LRRK2: variants seen among roughly 807,000 people sequenced by gnomAD.
LRRK2 encodes leucine-rich repeat serine/threonine-protein kinase 2.
LRRK2 carries 203 observed loss-of-function variants against 302.6 expected under a neutral mutation model. The ratio of observed to expected loss-of-function variants is 0.67; its 90% confidence interval spans 0.60 to 0.75. The LOEUF (loss-of-function observed/expected upper bound fraction) is 0.75. Among genes scored for constraint, LRRK2 ranks in the 30% least tolerant of loss-of-function variants. The pLI is 0.00. For synonymous variants in LRRK2, 1,066 were observed against 1,031.9 expected (o/e 1.03, Z -0.63); for missense variants, 2,830 against 2,951.0 (o/e 0.96, Z 0.95).
chr12:40,332,968 A>AG lies in LRRK2; in HGVS notation c.5758-1999_5758-1998insG, dbSNP rs932554863. ...TAATGTGCTTCTTCTCTTAAAAAAA[A>AG]AAAAAGAAAAAGACAACAACAAAAA... On this transcript the variant is annotated intron_variant, in intron 39 of 50. Coordinates refer to ENST00000298910, the MANE Select transcript of LRRK2 (RefSeq NM_198578.4). 7.3e-4 allele frequency among the ~76,000 whole-genome samples: 111 copies of AG among 151,398 alleles called. 1 individual carries two copies. The highest frequency in any genetic ancestry group is 1.6e-4 in the Non-Finnish European group (11 of 67,860).
At chr12:40,279,056 A>AT (rs1943577300) in intron 18 of LRRK2, among the ~76,000 whole-genome samples, 1 of 151,272 alleles carries the variant, frequency 6.6e-6, no homozygotes, top group Admixed American at 6.6e-5. Context: ...CATTGCTTAT[A>AT]TTTCAGATTT....
chr12:40,284,871 C>G (rs1294478420), intron 19 of LRRK2, among the ~76,000 whole-genome samples: 3 of 152,118 alleles, frequency 2.0e-5, no homozygotes, highest in African/African-American at 7.2e-5. Context: ...TTGCTTCTCT[C>G]ATTTTTATGA....
chr12:40,367,648 AC>A lies in LRRK2; in HGVS notation c.7468del (p.Gln2490AsnfsTer4), dbSNP rs281865058. Reference protein sequence around the residue: ...TEGTQKQKEIQSCLTVWDINL... With the variant: ...TEGTQKQKEIXSCLTVWDINL... ...TTCATTTTTTTCTTTTTCTAGAGAT[AC>A]AATCTTGCTTGACCGTTTGGGACAT... On this transcript the variant is annotated frameshift_variant, in exon 51 of 51. Transcript: ENST00000298910. LOFTEE classifies it high-confidence loss of function. 1 of 1,602,556 alleles carries A rather than the reference AC, an allele frequency of 6.2e-7. No homozygotes were observed. Among genetic ancestry groups the A allele is most frequent in the African/African-American group, 1.3e-5 (1 of 74,662 alleles).
At chr12:40,293,757 AG>A (rs1462627840) in intron 21 of LRRK2, 94 bp downstream of exon 21, 3 of 837,474 alleles carry the variant, frequency 3.6e-6, no homozygotes, top group Non-Finnish European at 6.2e-6. Context: ...AACAATTGGT[AG>A]GGATTTCCCT....
In LRRK2 at chr12:40,368,690, CT is replaced by C. The variant is rs367772598; in HGVS notation, c.*936del. ...GATCCTACATCATTCAGATAGAAAC[CT>C]TTTTTTTTTTCAGAATTATAGAATT... On this transcript the variant is annotated 3_prime_UTR_variant, in exon 51 of 51. Coordinates refer to ENST00000298910, the MANE Select transcript of LRRK2 (RefSeq NM_198578.4). 0.13 allele frequency: 18,654 copies of C among 146,758 alleles called. 1,300 individuals are homozygous for C. Among genetic ancestry groups the C allele is most frequent in the South Asian group, 0.2 (911 of 4,630 alleles). The allele number at this position is 146,758 out of a possible 1,614,324, so 9.1% of individuals were successfully genotyped here.
chr12:40,321,704 T>C (rs541330333), intron 35 of LRRK2, among the ~76,000 whole-genome samples: 3 of 152,126 alleles, frequency 2.0e-5, no homozygotes, highest in Non-Finnish European at 4.4e-5. Flanking sequence ...ATTAAAAAGT[T>C]CAGAAAGTTT....
intron 14 of LRRK2, among the ~76,000 whole-genome samples, chr12:40,264,886 A>C (rs780690004): frequency 6.6e-6 from 1 of 152,230 alleles, no homozygotes; most frequent in Admixed American, 6.5e-5. Flanking sequence ...GAAATTTTGC[A>C]TAAGATGAAT....
intron 11 of LRRK2, among the ~76,000 whole-genome samples, chr12:40,253,523 C>G (rs1402392713): frequency 6.6e-6 from 1 of 152,084 alleles, no homozygotes; most frequent in African/African-American, 2.4e-5. Context: ...GTATCTGGGA[C>G]TACAGGCATG....
chr12:40,288,527 G>A (rs1275754658), intron 20 of LRRK2, among the ~76,000 whole-genome samples: 1 of 151,682 alleles, frequency 6.6e-6, no homozygotes, highest in African/African-American at 2.4e-5. Flanking sequence ...TTTTGTGTCT[G>A]TTTTCCAAAA....
intron 14 of LRRK2, among the ~76,000 whole-genome samples, chr12:40,272,539 C>T (rs956382164): frequency 1.3e-5 from 2 of 152,042 alleles, no homozygotes; most frequent in East Asian, 1.9e-4. Flanking sequence ...AGTGCTACCT[C>T]GGTTTTGGCA....
At chr12:40,289,542 A>C (rs138250350) in intron 20 of LRRK2, among the ~76,000 whole-genome samples, 2,939 of 148,918 alleles carry the variant, frequency 0.02, 49 homozygotes, top group South Asian at 0.085. Context: ...TAATTAATAC[A>C]TAAATAATAA....
rs866045438 is a variant in LRRK2, at chr12:40,352,614, C to T, written c.6576+881C>T. Among the ~76,000 whole-genome samples, 38 of 150,858 alleles carry T rather than the reference C, an allele frequency of 2.5e-4. 1 individual carries two copies. The highest frequency in any genetic ancestry group is 7.9e-4 in the Admixed American group (12 of 15,148). ...CTAGGCAGAGGACCCTGCGGCCTTCCGTAGTGTTTGTGTCCCTGGGTACTT... is the reference window on the plus strand; with the variant it reads ...CTAGGCAGAGGACCCTGCGGCCTTCTGTAGTGTTTGTGTCCCTGGGTACTT... On this transcript the variant is annotated intron_variant, in intron 44 of 50. Coordinates refer to ENST00000298910, the MANE Select transcript of LRRK2 (RefSeq NM_198578.4).
Position 40,253,447 on chromosome 12 carries a change from A to G in LRRK2, c.1288+431A>G, listed in dbSNP as rs17519615. ...GTCACCTAGGCTGGAGTGCAGTACC[A>G]TGATCATGGCTCACTACAACCTCAA... On this transcript the variant is annotated intron_variant, in intron 11 of 50. Coordinates refer to ENST00000298910, the MANE Select transcript of LRRK2 (RefSeq NM_198578.4). Among the ~76,000 whole-genome samples, 573 of 152,288 alleles carry G rather than the reference A, an allele frequency of 3.8e-3. 1 individual carries two copies. Among genetic ancestry groups the G allele is most frequent in the African/African-American group, 0.013 (551 of 41,564 alleles).
intron 34 of LRRK2, 114 bp from the exon 35 acceptor site, chr12:40,320,920 G>A (rs1945382778): frequency 7.8e-7 from 1 of 1,289,332 alleles, no homozygotes; most frequent in Middle Eastern, 1.9e-4. Flanking sequence ...GTTACAAAAA[G>A]ATTACAATTG....
chr12:40,358,362 G>A (rs1216672943), intron 46 of LRRK2, among the ~76,000 whole-genome samples: 1 of 152,034 alleles, frequency 6.6e-6, no homozygotes, highest in African/African-American at 2.4e-5. Flanking sequence ...ATAGCTTCTG[G>A]TCTTACATTT....
chr12:40,309,303 TAA>T (rs1944954387), intron 30 of LRRK2, 70 bp downstream of exon 30: 4 of 1,538,646 alleles, frequency 2.6e-6, no homozygotes, highest in East Asian at 2.4e-5. Flanking sequence ...TGTGTGTGTG[TAA>T]GTTAATTTAT....
At position 40,320,072 on chromosome 12, in the gene LRRK2, A is replaced by C. The variant is rs201620277; in HGVS notation, c.4912A>C (p.Lys1638Gln). Residue 1638 changes from lysine to glutamine, a missense_variant, in exon 34 of 51, where the codon AAA becomes CAA. Coordinates refer to ENST00000298910, the MANE Select transcript of LRRK2 (RefSeq NM_198578.4). ...AGATGTGGAAAAATTTCTTTCAAAA[A>C]AAAGGAAATTTCCAAAGAACTACAT... ...RRDVEKFLSKKRKFPKNYMSQ... is the reference protein window; with the variant it reads ...RRDVEKFLSKQRKFPKNYMSQ... The C allele has an allele frequency of 1.2e-6, 2 of 1,611,508 alleles. No homozygotes were observed. Among genetic ancestry groups the C allele is most frequent in the Non-Finnish European group, 1.7e-6 (2 of 1,178,706 alleles).
intron 2 of LRRK2, among the ~76,000 whole-genome samples, chr12:40,231,874 G>T (rs965156516): frequency 5.3e-5 from 8 of 150,468 alleles, no homozygotes; most frequent in African/African-American, 2.0e-4. Context: ...CACAATCTTG[G>T]CTCACTGCAC....
intron 26 of LRRK2, among the ~76,000 whole-genome samples, chr12:40,303,681 A>G (rs750500630): frequency 7.2e-5 from 11 of 152,084 alleles, no homozygotes; most frequent in Non-Finnish European, 1.3e-4. Flanking sequence ...ACAGCGGTTC[A>G]TCTCTTTAAT....
Sources: allele counts gnomAD v4.1 joint callset (sites outside exome capture counted in the v4.1 genomes callset), GRCh38; gene constraint gnomAD v4.1.1; transcripts MANE v1.5; gene names NCBI Gene and HGNC (gene_info 2026-07-23, HGNC 2026-07-21).